The following SDC4 variants were observed in gnomAD, a reference collection of about 807,000 sequenced individuals.
SDC4 encodes the protein syndecan-4.
In SDC4, 17 loss-of-function variants were observed where a neutral mutation model predicts 20.5. The observed-to-expected ratio is 0.83, with a 90% CI of 0.57 to 1.25. The LOEUF is 1.25. SDC4 is among the 50% of genes most tolerant of loss of function. SDC4 has a pLI of 0.00. For missense variants in SDC4, 241 were observed against 252.3 expected, an observed-to-expected ratio of 0.96 and a Z score of 0.30; for synonymous variants, 107 against 105.3, an observed-to-expected ratio of 1.02 and a Z score of -0.10.
At chr20:45,348,223 T>A in intron 1 of SDC4, 102 bp downstream of exon 1, 1 of 1,031,232 alleles carries the variant, frequency 9.7e-7, no homozygotes, top group Non-Finnish European at 1.4e-6. Flanking sequence ...GGGGGTAGCG[T>A]ACCCCCGATC....
At chr20:45,345,903 T>G in intron 1 of SDC4, 1 of 151,080 alleles carries the variant, frequency 6.6e-6, no homozygotes. Context: ...AATATGGGGG[T>G]GGTAAGGGGA....
At chr20:45,344,013 G>A (rs1272586009) in intron 1 of SDC4, among the ~76,000 whole-genome samples, 1 of 152,214 alleles carries the variant, frequency 6.6e-6, no homozygotes, top group Non-Finnish European at 1.5e-5. Context: ...ATGTTTCAAT[G>A]CCCTCTGGCC....
At chr20:45,331,454 A>G (rs1987776102) in intron 3 of SDC4, among the ~76,000 whole-genome samples, 2 of 152,164 alleles carry the variant, frequency 1.3e-5, no homozygotes, top group East Asian at 3.9e-4. Flanking sequence ...GAGTGCCTAC[A>G]TCTTGAATAG....
chr20:45,332,987 G>C (rs1175076659), intron 3 of SDC4, 36 bp downstream of exon 3: 3 of 1,604,068 alleles, frequency 1.9e-6, no homozygotes, highest in Non-Finnish European at 2.6e-6. Context: ...CTATAGAGGA[G>C]CAAAGTGGAA....
At chr20:45,341,932 C>T (rs1292520196) in intron 1 of SDC4, among the ~76,000 whole-genome samples, 1 of 152,166 alleles carries the variant, frequency 6.6e-6, no homozygotes, top group Non-Finnish European at 1.5e-5. Flanking sequence ...CTCAGTTTTC[C>T]AATCTGTAAA....
In SDC4 at chr20:45,325,467, G is replaced by A. The variant is rs1439434738; in HGVS notation, c.*1797C>T. The A allele has an allele frequency of 6.6e-6, 1 of 152,670 alleles. No homozygotes were observed. The highest frequency in any genetic ancestry group is 1.5e-5 in the Non-Finnish European group (1 of 68,128). 9.5% of individuals were successfully genotyped at this position (152,670 alleles called of 1,614,324 possible). A position where few individuals can be genotyped will look rare whatever the true frequency, so the allele number is the denominator to read the frequency against. ...GTTGCAGTGGTGACGGGAGCTAATG[G>A]CCACTGGTGCAGCAAGGGAGGGTGG... On this transcript the variant is annotated 3_prime_UTR_variant, in exon 5 of 5. Transcript: ENST00000372733.
chr20:45,348,414 C>T lies in SDC4; in HGVS notation c.-30G>A, dbSNP rs780317819. ...CCGCGGACTGGAGAAGGCGCGCAGG[C>T]TGCGGCGAGTGGCCCCGGGCGGGCG... On this transcript the variant is annotated 5_prime_UTR_variant, in exon 1 of 5. Coordinates refer to ENST00000372733, the MANE Select transcript of SDC4 (RefSeq NM_002999.4). 8 of 1,522,134 alleles carry T rather than the reference C, an allele frequency of 5.3e-6. No individual in the cohort carries two copies. In the Middle Eastern group the frequency reaches 8.5e-4, roughly 162 times the overall value. The allele number at this position is 1,522,134 out of a possible 1,614,324, so 94.3% of individuals were successfully genotyped here. A position where few individuals can be genotyped will look rare whatever the true frequency, so the allele number is the denominator to read the frequency against.
intron 1 of SDC4, among the ~76,000 whole-genome samples, chr20:45,347,210 C>T (rs1375738746): frequency 2.0e-5 from 3 of 152,148 alleles, no homozygotes; most frequent in Admixed American, 6.5e-5. Flanking sequence ...ATCAACCTTC[C>T]GCTAAGTAAA....
chr20:45,338,710 G>T (rs1987911547), intron 1 of SDC4, among the ~76,000 whole-genome samples: 1 of 152,196 alleles, frequency 6.6e-6, no homozygotes, highest in African/African-American at 2.4e-5. Flanking sequence ...AACCAAGGCT[G>T]AAACCAAGAT....
intron 1 of SDC4, among the ~76,000 whole-genome samples, chr20:45,337,480 C>T (rs2853888): frequency 6.6e-6 from 1 of 152,212 alleles, no homozygotes; most frequent in Non-Finnish European, 1.5e-5. Context: ...CGGAACAGGG[C>T]AGGGACTTGC....
At position 45,327,440 on chromosome 20, in the gene SDC4, C is replaced by T. The variant is rs573774465; in HGVS notation, c.446-25G>A. ...GCTGGAGAGGAGGAGAGAGAAGAGG[C>T]GGGGGTGAGAGCTCCTCATCAGGAC... is the stretch of plus-strand genomic sequence containing the variant. On this transcript the variant is annotated intron_variant, in intron 4 of 4. Coordinates refer to ENST00000372733, the MANE Select transcript of SDC4 (RefSeq NM_002999.4). The T allele has an allele frequency of 3.6e-4, 577 of 1,606,092 alleles. 5 individuals carry two copies. In the South Asian group the frequency reaches 5.9e-3, roughly 17 times the overall value.
At position 45,326,234 on chromosome 20, in the gene SDC4, G is replaced by A. The variant is rs1987685082; in HGVS notation, c.*1030C>T. ...AAAAAAAAACTATGTTTCGGCAAAAGCTATTTTATAAGAGGAAGCAGCTTC... is the reference window on the plus strand; with the variant it reads ...AAAAAAAAACTATGTTTCGGCAAAAACTATTTTATAAGAGGAAGCAGCTTC... On this transcript the variant is annotated 3_prime_UTR_variant, in exon 5 of 5. Coordinates refer to ENST00000372733, the MANE Select transcript of SDC4 (RefSeq NM_002999.4). The A allele has an allele frequency of 6.6e-6, 1 of 151,812 alleles. No individual in the cohort carries two copies. The highest frequency in any genetic ancestry group is 2.4e-5 in the African/African-American group (1 of 41,412). 9.4% of individuals were successfully genotyped at this position (151,812 alleles called of 1,614,324 possible).
chr20:45,335,528 C>T (rs1987849061), intron 2 of SDC4, among the ~76,000 whole-genome samples: 1 of 151,414 alleles, frequency 6.6e-6, no homozygotes, highest in Admixed American at 6.6e-5. Context: ...TATGAGGACA[C>T]GTTCAGGCTG....
chr20:45,327,775 C>G (rs1231190243), intron 4 of SDC4, among the ~76,000 whole-genome samples: 1 of 152,248 alleles, frequency 6.6e-6, no homozygotes, highest in African/African-American at 2.4e-5. Context: ...TCCTGAGTAG[C>G]TGGGATTATA....
At chr20:45,334,951 G>A (rs758340959) in intron 2 of SDC4, among the ~76,000 whole-genome samples, 2 of 152,170 alleles carry the variant, frequency 1.3e-5, no homozygotes, top group Admixed American at 1.3e-4. Flanking sequence ...ATGGAGGCTT[G>A]AACTCAGGAC....
chr20:45,332,195 G>A (rs1016283875), intron 3 of SDC4, among the ~76,000 whole-genome samples: 2 of 146,368 alleles, frequency 1.4e-5, no homozygotes, highest in Middle Eastern at 3.6e-3. Flanking sequence ...AGTCTCTGTC[G>A]CCCAGGCTGG....
chr20:45,342,887 C>T (rs1210391785), intron 1 of SDC4, among the ~76,000 whole-genome samples: 1 of 152,158 alleles, frequency 6.6e-6, no homozygotes, highest in Non-Finnish European at 1.5e-5. Context: ...AAACTCTGGC[C>T]GGGTTAAGAA....
chr20:45,348,267 G>C, intron 1 of SDC4, 58 bp downstream of exon 1: 1 of 1,314,496 alleles, frequency 7.6e-7, no homozygotes, highest in African/African-American at 1.6e-5. Context: ...GACGAACAAA[G>C]GAGGCACCGG....
chr20:45,341,484 C>T (rs865883046), intron 1 of SDC4, among the ~76,000 whole-genome samples: 1 of 152,110 alleles, frequency 6.6e-6, no homozygotes. Flanking sequence ...TTATTTTCCC[C>T]GAAGGTGCAA....
Sources: allele counts gnomAD v4.1 joint callset (sites outside exome capture counted in the v4.1 genomes callset), GRCh38; gene constraint gnomAD v4.1.1; transcripts MANE v1.5; gene names NCBI Gene and HGNC (gene_info 2026-07-23, HGNC 2026-07-21).